Variants in VWA3B observed in about 807,000 individuals in gnomAD.
VWA3B encodes von Willebrand factor A domain containing 3B, also known as von Willebrand factor A domain-containing protein 3B.
VWA3B carries 138 observed loss-of-function variants against 158.3 expected under a neutral mutation model. The observed-to-expected ratio is 0.87, with a 90% CI of 0.76 to 1.00. The LOEUF is 1.00. VWA3B is among the 50% of genes least tolerant of loss of function. The pLI is 0.00. For missense variants in VWA3B, 1,555 were observed against 1,565.1 expected, an observed-to-expected ratio of 0.99 and a Z score of 0.11; for synonymous variants, 596 against 587.3, an observed-to-expected ratio of 1.01 and a Z score of -0.21.
intron 21 of VWA3B, among the ~76,000 whole-genome samples, chr2:98,261,210 C>T (rs1042831119): frequency 6.6e-6 from 1 of 151,504 alleles, no homozygotes; most frequent in African/African-American, 2.4e-5. Context: ...TAGTGGTTAC[C>T]ATGGGAATTA....
chr2:98,164,286 T>G (rs888402724), intron 8 of VWA3B, among the ~76,000 whole-genome samples: 5 of 152,164 alleles, frequency 3.3e-5, no homozygotes, highest in Admixed American at 3.3e-4. Flanking sequence ...AAAAAGAAAT[T>G]ATTAAAATCC....
chr2:98,169,715 C>CTG (rs61535424), intron 8 of VWA3B, among the ~76,000 whole-genome samples: 5,160 of 134,248 alleles, frequency 0.038, 112 homozygotes, highest in East Asian at 0.058. Context: ...CCTGGGCATT[C>CTG]TGTGTGTGTG....
intron 8 of VWA3B, among the ~76,000 whole-genome samples, chr2:98,175,852 G>A (rs1022406141): frequency 2.0e-5 from 3 of 152,172 alleles, no homozygotes; most frequent in African/African-American, 7.2e-5. Flanking sequence ...ATGTTGGTGG[G>A]TTACCATCCT....
intron 2 of VWA3B, among the ~76,000 whole-genome samples, chr2:98,096,947 TTATTTGAGATA>T (rs781091473): frequency 6.6e-6 from 1 of 152,110 alleles, no homozygotes; most frequent in African/African-American, 2.4e-5. Context: ...ATTGGGTTGT[TTATTTGAGATA>T]TATTTGAGAT....
intron 15 of VWA3B, 78 bp from the exon 16 acceptor site, chr2:98,229,972 G>A (rs1424532729): frequency 6.9e-7 from 1 of 1,459,176 alleles, no homozygotes; most frequent in Non-Finnish European, 9.2e-7. Context: ...TGAATGTATT[G>A]ACTTAACTCT....
chr2:98,236,622 C>T lies in VWA3B; in HGVS notation c.2565C>T (p.Val855=), dbSNP rs770464316. Residue 855 remains valine (V), a synonymous_variant, in exon 19 of 28, where the codon GTC becomes GTT. Coordinates refer to ENST00000477737, the MANE Select transcript of VWA3B (RefSeq NM_144992.5). ...SENWLKTYGL[V]AKKLTLMDAL... ...ACTGGCTGAAGACCTATGGCTTGGT[C>T]GCCAAGAAACTCACCCTCATGGATG... The T allele has an allele frequency of 2.8e-5, 45 of 1,614,170 alleles. No homozygotes were observed. Among genetic ancestry groups the T allele is most frequent in the Admixed American group, 8.3e-5 (5 of 60,028 alleles).
chr2:98,311,294 T>G (rs1339956274), intron 26 of VWA3B, among the ~76,000 whole-genome samples: 1 of 152,236 alleles, frequency 6.6e-6, no homozygotes, highest in Non-Finnish European at 1.5e-5. Flanking sequence ...ATTTTCTAAA[T>G]AGTAATCTAG....
chr2:98,307,313 G>C (rs1690584557), intron 26 of VWA3B, among the ~76,000 whole-genome samples: 1 of 152,200 alleles, frequency 6.6e-6, no homozygotes, highest in Non-Finnish European at 1.5e-5. Flanking sequence ...CTGCTGCTAT[G>C]CCCGGTTTCC....
Position 98,263,478 on chromosome 2 carries a change from T to A in VWA3B, c.2844-7204T>A, listed in dbSNP as rs183612834. ...GGATGTTGACTTTTGTCAAATGATT[T>A]TTCTGCATCACTTGAGATAATCATG... On this transcript the variant is annotated intron_variant, in intron 21 of 27. Transcript: ENST00000477737. Among the ~76,000 whole-genome samples the A allele has an allele frequency of 6.1e-3, 928 of 152,170 alleles. 12 individuals are homozygous for A. Among genetic ancestry groups the A allele is most frequent in the African/African-American group, 0.021 (886 of 41,520 alleles).
At chr2:98,309,058 G>GCTCT (rs1285660817) in intron 26 of VWA3B, among the ~76,000 whole-genome samples, 5 of 151,414 alleles carry the variant, frequency 3.3e-5, no homozygotes, top group African/African-American at 1.2e-4. Context: ...CTTAATCCCA[G>GCTCT]CTACTCGGGA....
At chr2:98,179,149 T>C (rs1480415444) in intron 8 of VWA3B, 1 of 464,622 alleles carries the variant, frequency 2.2e-6, no homozygotes, top group African/African-American at 2.0e-5. Flanking sequence ...AGTTGGGAGA[T>C]GTGCACAGCC....
In VWA3B at chr2:98,106,149, T is replaced by A. The variant is rs376733463; in HGVS notation, c.197-9503T>A. Among the ~76,000 whole-genome samples the A allele has an allele frequency of 4.6e-5, 7 of 152,252 alleles. No individual in the cohort carries two copies. The East Asian group carries it at 1.4e-3, about 29-fold the overall frequency. ...CCAGTATGGTCTCGATCTCCTGACC[T>A]CATGATCCGCCCACCTCGGCCTCCC... On this transcript the variant is annotated intron_variant, in intron 2 of 27. Transcript: ENST00000477737.
At chr2:98,315,992 C>T (rs1233424048), downstream of VWA3B, among the ~76,000 whole-genome samples, 1 of 152,308 alleles carries the variant, frequency 6.6e-6, no homozygotes, top group African/African-American at 2.4e-5. Flanking sequence ...CATGTAGTTA[C>T]GTTCTATACA....
chr2:98,308,431 G>A (rs1001696466), intron 26 of VWA3B, among the ~76,000 whole-genome samples: 7 of 152,224 alleles, frequency 4.6e-5, no homozygotes, highest in African/African-American at 1.7e-4. Context: ...TCCGTATCCT[G>A]TCTATAACTG....
intron 2 of VWA3B, among the ~76,000 whole-genome samples, chr2:98,107,331 T>C (rs1329503660): frequency 6.6e-6 from 1 of 152,156 alleles, no homozygotes; most frequent in Non-Finnish European, 1.5e-5. Flanking sequence ...GGTTTTGGTA[T>C]GACAAGGCTA....
intron 7 of VWA3B, among the ~76,000 whole-genome samples, chr2:98,152,448 G>A (rs778188188): frequency 6.6e-6 from 1 of 152,088 alleles, no homozygotes; most frequent in Non-Finnish European, 1.5e-5. Flanking sequence ...CCAATCTTCT[G>A]AGCAGCTGCT....
rs550963446 is a variant in VWA3B at position 98,120,351 on chromosome 2, C to T, written c.542+588C>T. 5.9e-5 allele frequency among the ~76,000 whole-genome samples: 9 copies of T among 152,174 alleles called. 1 individual carries two copies. The highest frequency in any genetic ancestry group is 1.3e-4 in the Admixed American group (2 of 15,272). On this transcript the variant is annotated intron_variant, in intron 4 of 27. Transcript: ENST00000477737. The stretch of plus-strand genomic sequence containing the variant: ...TCCCTGACAAAAAACATCTGGATAA[C>T]GGTTGGGGAAGGATCTACCTCATTC...
At chr2:98,262,396 A>G (rs1378512591) in intron 21 of VWA3B, among the ~76,000 whole-genome samples, 1 of 151,820 alleles carries the variant, frequency 6.6e-6, no homozygotes, top group Non-Finnish European at 1.5e-5. Flanking sequence ...GTTTTCTTCT[A>G]GGAGTTGTAT....
chr2:98,119,169 T>C (rs1674760697), intron 3 of VWA3B, among the ~76,000 whole-genome samples: 1 of 152,250 alleles, frequency 6.6e-6, no homozygotes, highest in African/African-American at 2.4e-5. Flanking sequence ...TGAGACATTA[T>C]TTTCCATCTG....
Sources: allele counts gnomAD v4.1 joint callset (sites outside exome capture counted in the v4.1 genomes callset), GRCh38; gene constraint gnomAD v4.1.1; transcripts MANE v1.5; gene names NCBI Gene and HGNC (gene_info 2026-07-23, HGNC 2026-07-21).